Variants in TENM2 observed in about 807,000 individuals in gnomAD.
TENM2 encodes teneurin-2.
In TENM2, 52 loss-of-function variants were observed where a neutral mutation model predicts 245.2. The ratio of observed to expected loss-of-function variants is 0.21; its 90% CI spans 0.17 to 0.27. TENM2 has a LOEUF of 0.27. Ranked by LOEUF, TENM2 falls within the 10% of genes least tolerant of loss-of-function variation. The pLI, the probability that TENM2 is intolerant of heterozygous loss-of-function variation, is 1.00. For missense variants in TENM2, 3,046 were observed against 3,666.8 expected, an observed-to-expected ratio of 0.83 and a Z score of 4.37; for synonymous variants, 1,363 against 1,438.9, an observed-to-expected ratio of 0.95 and a Z score of 1.19.
intron 13 of TENM2, chr5:168,165,810 A>G (rs1758239927): frequency 1.3e-5 from 2 of 151,922 alleles, no homozygotes; most frequent in African/African-American, 4.8e-5. Context: ...AAAAAAAAAA[A>G]AAAAGGCTGC....
chr5:168,104,379 T>A (rs555895925), intron 9 of TENM2, among the ~76,000 whole-genome samples: 1 of 152,284 alleles, frequency 6.6e-6, no homozygotes, highest in East Asian at 1.9e-4. Flanking sequence ...CATAAGGTCC[T>A]CCCTCATCAC....
At chr5:167,249,471 C>T in the TENM2 span, among the ~76,000 whole-genome samples, 1 of 152,080 alleles carries the variant, frequency 6.6e-6, no homozygotes, top group Non-Finnish European at 1.5e-5. Context: ...CCCCCTCTGT[C>T]TCTCACCTCC....
intron 1 of TENM2, among the ~76,000 whole-genome samples, chr5:167,363,730 C>CAAAAAAAAAAA (rs10659741): frequency 4.5e-5 from 4 of 89,296 alleles, no homozygotes; most frequent in Admixed American, 1.5e-4. Flanking sequence ...GACTCCATCT[C>CAAAAAAAAAAA]AAAAAAAAAA....
chr5:167,813,823 T>C (rs1033876951), intron 2 of TENM2, among the ~76,000 whole-genome samples: 1 of 152,146 alleles, frequency 6.6e-6, no homozygotes, highest in African/African-American at 2.4e-5. Context: ...AATTTTTAAA[T>C]CCTTGAACCT....
chr5:167,880,325 C>T (rs1833563), intron 3 of TENM2, among the ~76,000 whole-genome samples: 36,666 of 151,932 alleles, frequency 0.24, 5,911 homozygotes, highest in East Asian at 0.74. Flanking sequence ...GAGCCATCAC[C>T]CCTGGCCAAC....
At chr5:167,172,751 T>C in the TENM2 span, among the ~76,000 whole-genome samples, 4 of 151,802 alleles carry the variant, frequency 2.6e-5, no homozygotes, top group African/African-American at 4.8e-5. Flanking sequence ...GCCAGCACGA[T>C]AGGCACATTC....
the TENM2 span, among the ~76,000 whole-genome samples, chr5:167,086,841 C>A: frequency 5.0e-3 from 763 of 151,978 alleles, 7 homozygotes; most frequent in African/African-American, 0.017. Context: ...TAATCATAAT[C>A]CCTTATCAGG....
rs1780196648 is a variant in TENM2, at chr5:167,952,580, T to C, written c.713-8T>C. ...GACGCTAACAGTCATTTCTCCTTTT[T>C]TTTTCAGGCCCTCCGAACCACCACA... On this transcript the variant is annotated splice_polypyrimidine_tract_variant and splice_region_variant and intron_variant, in intron 3 of 28. Transcript: ENST00000518659. The C allele has an allele frequency of 6.2e-7, 1 of 1,600,068 alleles. No individual in the cohort carries two copies. Among genetic ancestry groups the C allele is most frequent in the Admixed American group, 1.7e-5 (1 of 58,448 alleles).
intron 3 of TENM2, among the ~76,000 whole-genome samples, chr5:167,914,138 T>C (rs899222530): frequency 2.6e-5 from 4 of 152,200 alleles, no homozygotes; most frequent in African/African-American, 9.6e-5. Flanking sequence ...CCTCTCTGAG[T>C]TGACTTGTAC....
intron 2 of TENM2, among the ~76,000 whole-genome samples, chr5:167,814,777 C>T (rs988930822): frequency 3.3e-5 from 5 of 151,408 alleles, no homozygotes; most frequent in Admixed American, 6.6e-5. Flanking sequence ...TAAGATGAAA[C>T]GAAAGTCAGA....
At chr5:167,833,377 A>T (rs1163434559) in intron 2 of TENM2, among the ~76,000 whole-genome samples, 1 of 152,170 alleles carries the variant, frequency 6.6e-6, no homozygotes, top group Non-Finnish European at 1.5e-5. Context: ...TTCAGACTCA[A>T]CCAGAAGTGT....
At chr5:167,195,632 C>T in the TENM2 span, among the ~76,000 whole-genome samples, 1 of 151,900 alleles carries the variant, frequency 6.6e-6, no homozygotes, top group African/African-American at 2.4e-5. Flanking sequence ...ATTGAATCTT[C>T]AGTTACAATA....
At chr5:167,534,193 G>A (rs1284221249) in intron 2 of TENM2, among the ~76,000 whole-genome samples, 2 of 152,174 alleles carry the variant, frequency 1.3e-5, no homozygotes, top group South Asian at 4.1e-4. Context: ...TCTCATAGAT[G>A]TAAGATCTCA....
rs1261715449 is a variant in TENM2 at position 167,903,792 on chromosome 5, A to G, written c.712+27597A>G. On this transcript the variant is annotated intron_variant, in intron 3 of 28. Coordinates refer to ENST00000518659, the Ensembl canonical transcript of TENM2. ...TAGACCTTCTGAATTTTGATTATCAAGTGGTTCCTGGGAAAGCACATCAAT... is the reference window on the plus strand; with the variant it reads ...TAGACCTTCTGAATTTTGATTATCAGGTGGTTCCTGGGAAAGCACATCAAT... 5.3e-5 allele frequency among the ~76,000 whole-genome samples: 8 copies of G among 152,204 alleles called. No homozygotes were observed. The East Asian group carries it at 1.5e-3, about 29-fold the overall frequency.
At chr5:167,565,133 AT>A (rs1773831176) in intron 2 of TENM2, among the ~76,000 whole-genome samples, 1 of 152,246 alleles carries the variant, frequency 6.6e-6, no homozygotes, top group African/African-American at 2.4e-5. Flanking sequence ...AATTCTAAAT[AT>A]GTTTTACAGG....
chr5:167,954,656 C>T (rs1471777996), intron 4 of TENM2, among the ~76,000 whole-genome samples: 4 of 152,142 alleles, frequency 2.6e-5, no homozygotes, highest in African/African-American at 9.7e-5. Context: ...GTGATGTTCC[C>T]CTCCCTGTGT....
intron 5 of TENM2, chr5:168,033,343 AT>A (rs1032501230): frequency 1.3e-5 from 2 of 152,162 alleles, no homozygotes; most frequent in Non-Finnish European, 2.9e-5. Context: ...ACATCTATGT[AT>A]TCCTGGCTCT....
chr5:167,361,699 A>G (rs1208528755), intron 1 of TENM2, among the ~76,000 whole-genome samples: 1 of 152,228 alleles, frequency 6.6e-6, no homozygotes, highest in Non-Finnish European at 1.5e-5. Flanking sequence ...TTCAGTGGAT[A>G]GTGTGAAGAC....
At chr5:167,435,217 T>C (rs1051451293) in intron 2 of TENM2, among the ~76,000 whole-genome samples, 6 of 152,200 alleles carry the variant, frequency 3.9e-5, no homozygotes, top group African/African-American at 1.4e-4. Flanking sequence ...ATGCCTTAGA[T>C]ACTGATATGA....
Sources: gnomAD v4.1 joint callset for allele counts (sites outside exome capture counted in the v4.1 genomes callset) on GRCh38, gnomAD v4.1.1 for gene constraint, MANE v1.5 for transcripts, NCBI Gene and HGNC (gene_info 2026-07-23, HGNC 2026-07-21) for gene names.